Variants in TENM2 observed in about 807,000 individuals in gnomAD.
The protein encoded by TENM2 is teneurin transmembrane protein 2, also known as teneurin-2.
Under a neutral mutation model 245.2 loss-of-function variants are expected in TENM2, and 52 were observed. The observed-to-expected ratio is 0.21, with a 90% confidence interval of 0.17 to 0.27. TENM2 has a LOEUF of 0.27. Among genes scored for constraint, TENM2 ranks in the 10% least tolerant of loss-of-function variants. The pLI is 1.00. For synonymous variants in TENM2, 1,363 were observed against 1,438.9 expected (o/e 0.95, Z 1.19); for missense variants, 3,046 against 3,666.8 (o/e 0.83, Z 4.37).
intron 4 of TENM2, among the ~76,000 whole-genome samples, chr5:167,989,917 G>T (rs1783540542): frequency 6.6e-6 from 1 of 152,134 alleles, no homozygotes; most frequent in Non-Finnish European, 1.5e-5. Flanking sequence ...CGGGATGTGG[G>T]TCAGGAGCTA....
chr5:167,267,324 T>C, the TENM2 span, among the ~76,000 whole-genome samples: 3 of 152,174 alleles, frequency 2.0e-5, no homozygotes, highest in African/African-American at 4.8e-5. Context: ...AGAGTGTATA[T>C]CTTTTGAAAG....
At chr5:167,517,398 G>T (rs938766706) in intron 2 of TENM2, among the ~76,000 whole-genome samples, 1 of 152,116 alleles carries the variant, frequency 6.6e-6, no homozygotes, top group Non-Finnish European at 1.5e-5. Context: ...CAATATAATT[G>T]TATCTATTTG....
intron 2 of TENM2, among the ~76,000 whole-genome samples, chr5:167,853,752 G>T (rs955891100): frequency 2.0e-5 from 3 of 152,114 alleles, no homozygotes; most frequent in Non-Finnish European, 4.4e-5. Flanking sequence ...CACTTATTCT[G>T]TGCAGACTGA....
intron 2 of TENM2, among the ~76,000 whole-genome samples, chr5:167,673,449 A>G (rs1203879995): frequency 6.6e-6 from 1 of 152,134 alleles, no homozygotes; most frequent in Non-Finnish European, 1.5e-5. Flanking sequence ...AAGTTCTCTG[A>G]AACATCATTT....
At chr5:167,656,009 A>G (rs989774359) in intron 2 of TENM2, among the ~76,000 whole-genome samples, 2 of 152,188 alleles carry the variant, frequency 1.3e-5, no homozygotes, top group Admixed American at 1.3e-4. Context: ...CTGCAGTTTC[A>G]TATTGCGCCG....
chr5:167,166,605 A>G, the TENM2 span, among the ~76,000 whole-genome samples: 1 of 152,136 alleles, frequency 6.6e-6, no homozygotes, highest in African/African-American at 2.4e-5. Context: ...AGTTTGGGTC[A>G]TCCCTATAAA....
chr5:167,917,166 C>T (rs1777015826), intron 3 of TENM2, among the ~76,000 whole-genome samples: 1 of 152,192 alleles, frequency 6.6e-6, no homozygotes, highest in Non-Finnish European at 1.5e-5. Context: ...CCCTTTCCCT[C>T]ACTCCTAGAT....
chr5:168,073,249 G>T (rs1581222256), intron 7 of TENM2, among the ~76,000 whole-genome samples: 3 of 152,302 alleles, frequency 2.0e-5, no homozygotes, highest in Admixed American at 2.0e-4. Context: ...TTACTAGAGG[G>T]TTGGATACAG....
intron 2 of TENM2, among the ~76,000 whole-genome samples, chr5:167,599,404 A>G (rs1776450875): frequency 2.0e-5 from 3 of 152,214 alleles, no homozygotes; most frequent in African/African-American, 7.2e-5. Context: ...TTAAAAATAA[A>G]CCATATAACT....
At chr5:167,190,047 G>C in the TENM2 span, among the ~76,000 whole-genome samples, 1 of 151,946 alleles carries the variant, frequency 6.6e-6, no homozygotes, top group East Asian at 1.9e-4. Flanking sequence ...AAGCAAGCTG[G>C]CTTTGAATTT....
chr5:167,833,373 C>A (rs1403035513), intron 2 of TENM2, among the ~76,000 whole-genome samples: 1 of 152,158 alleles, frequency 6.6e-6, no homozygotes, highest in African/African-American at 2.4e-5. Flanking sequence ...GGACTTCAGA[C>A]TCAACCAGAA....
chr5:167,301,420 GT>G (rs1298476648), intron 1 of TENM2, among the ~76,000 whole-genome samples: 6 of 152,178 alleles, frequency 3.9e-5, no homozygotes, highest in Non-Finnish European at 7.3e-5. Context: ...GGAAGTTCTT[GT>G]GTGCTGGAGA....
chr5:167,734,521 T>G (rs1459684217), intron 2 of TENM2, among the ~76,000 whole-genome samples: 1 of 148,972 alleles, frequency 6.7e-6, no homozygotes, highest in Non-Finnish European at 1.5e-5. Context: ...AATAAATATA[T>G]TAATAGTTAA....
chr5:167,897,835 CAG>C (rs1004278635), intron 3 of TENM2, among the ~76,000 whole-genome samples: 1 of 149,162 alleles, frequency 6.7e-6, no homozygotes, highest in African/African-American at 2.5e-5. Flanking sequence ...GAGAACGAAA[CAG>C]AGAACTAAGT....
At chr5:167,888,804 T>G (rs1774504454) in intron 3 of TENM2, among the ~76,000 whole-genome samples, 1 of 152,210 alleles carries the variant, frequency 6.6e-6, no homozygotes, top group East Asian at 1.9e-4. Context: ...TTGCTTATTA[T>G]CCTTATTCCT....
intron 2 of TENM2, among the ~76,000 whole-genome samples, chr5:167,726,033 T>TA (rs1759979452): frequency 6.6e-6 from 1 of 152,212 alleles, no homozygotes; most frequent in Non-Finnish European, 1.5e-5. Flanking sequence ...ACCCCATTGT[T>TA]AGGACTGGCT....
intron 2 of TENM2, among the ~76,000 whole-genome samples, chr5:167,581,389 A>C (rs1326680701): frequency 1.3e-5 from 2 of 152,230 alleles, no homozygotes; most frequent in Admixed American, 6.5e-5. Context: ...GAAGTTGTTA[A>C]ATGTTCAGGT....
chr5:167,378,411 T>C (rs1207460829), intron 2 of TENM2, among the ~76,000 whole-genome samples: 2 of 147,636 alleles, frequency 1.4e-5, no homozygotes, highest in Non-Finnish European at 3.0e-5. Context: ...GTAGACACCA[T>C]AGTGCTTCAT....
chr5:167,303,625 T>C (rs538332041), intron 1 of TENM2, among the ~76,000 whole-genome samples: 35 of 152,322 alleles, frequency 2.3e-4, no homozygotes, highest in African/African-American at 7.7e-4. Context: ...TCTGGATGTG[T>C]ACCTGCAGGT....
Sources: gnomAD v4.1 joint callset for allele counts (sites outside exome capture counted in the v4.1 genomes callset) on GRCh38, gnomAD v4.1.1 for gene constraint, MANE v1.5 for transcripts, NCBI Gene and HGNC (gene_info 2026-07-23, HGNC 2026-07-21) for gene names.